The following SLC35E2B variants were observed in gnomAD, a reference collection of about 807,000 sequenced individuals.
SLC35E2B encodes the protein solute carrier family 35 member E2B.
In SLC35E2B, 18 loss-of-function variants were observed where a neutral mutation model predicts 32.4. That is an observed-to-expected ratio of 0.56 (90% CI 0.38 to 0.82). The LOEUF is 0.82. Among genes scored for constraint, SLC35E2B ranks in the 40% least tolerant of loss-of-function variants. The probability of loss-of-function intolerance (pLI) is 0.00; values close to 1 mark genes in which losing one functional copy is unlikely to be tolerated. For missense variants in SLC35E2B, 263 were observed against 469.5 expected, an observed-to-expected ratio of 0.56 and a Z score of 4.06; for synonymous variants, 132 against 209.1, an observed-to-expected ratio of 0.63 and a Z score of 3.18.
rs1488551079 is a variant in SLC35E2B, at chr1:1,665,629, T to C, written c.*153A>G. ...TGGAATCCCCAGTTTGAGTTTCTGC[T>C]GGTCTTCACCGACAAACCGAGAAAG... On this transcript the variant is annotated 3_prime_UTR_variant, in exon 10 of 10. Coordinates refer to ENST00000617444, the MANE Select transcript of SLC35E2B (RefSeq NM_001290264.2). 9 of 1,227,992 alleles carry C rather than the reference T, an allele frequency of 7.3e-6. No homozygotes were observed. In the East Asian group the frequency reaches 2.3e-4, roughly 32 times the overall value. The allele number at this position is 1,227,992 out of a possible 1,614,324, so 76.1% of individuals were successfully genotyped here.
Position 1,675,545 on chromosome 1 carries a change from C to T in SLC35E2B, c.504G>A (p.Ala168=), listed in dbSNP as rs779285777. ...VLGLVSLKNV[A]VSFAETVKSS... ...TCTTCACCGTCTCAGCAAACGAAAC[C>T]GCCACATTTTTCAGGCTGACCAAAC... Residue 168 remains alanine (A), a synonymous_variant, in exon 5 of 10, where the codon GCG becomes GCA. Coordinates refer to ENST00000617444, the MANE Select transcript of SLC35E2B (RefSeq NM_001290264.2). 26 of 1,581,434 alleles carry T rather than the reference C, an allele frequency of 1.6e-5. 1 individual carries two copies. Among genetic ancestry groups the T allele is most frequent in the East Asian group, 1.6e-4 (7 of 44,034 alleles).
intron 2 of SLC35E2B, among the ~76,000 whole-genome samples, chr1:1,687,908 A>C (rs1643971038): frequency 6.6e-6 from 1 of 152,200 alleles, no homozygotes; most frequent in South Asian, 2.1e-4. Context: ...CAACATAACA[A>C]AACAAAAAAT....
chr1:1,689,970 G>C (rs1282422596), intron 2 of SLC35E2B, among the ~76,000 whole-genome samples: 2 of 144,170 alleles, frequency 1.4e-5, no homozygotes, highest in Non-Finnish European at 3.1e-5. Context: ...CTGGGCAACA[G>C]GGTGAGACCC....
rs372584584 is a variant in SLC35E2B at position 1,686,438 on chromosome 1, C to T, written c.-148+4538G>A. Among the ~76,000 whole-genome samples the T allele has an allele frequency of 6.7e-5, 10 of 148,890 alleles. No individual in the cohort carries two copies. In the East Asian group the frequency reaches 1.4e-3, roughly 21 times the overall value. On this transcript the variant is annotated intron_variant, in intron 2 of 9. Transcript: ENST00000617444. ...TCATGTGAGTGAAGCGAGATGCAAA[C>T]ACGAAAGGAAGTCCTTCAGGGCAGT...
At chr1:1,669,344 G>A (rs1224338115) in intron 8 of SLC35E2B, among the ~76,000 whole-genome samples, 1 of 151,460 alleles carries the variant, frequency 6.6e-6, no homozygotes, top group African/African-American at 2.4e-5. Context: ...GGGATACAGA[G>A]CGAGACTCTT....
intron 2 of SLC35E2B, among the ~76,000 whole-genome samples, chr1:1,686,004 G>T (rs112033089): frequency 0.1 from 13,863 of 135,606 alleles, 2,069 homozygotes; most frequent in African/African-American, 0.32. Context: ...GTGAATTTTT[G>T]TATTTTCATT....
rs1643649389 is a variant in SLC35E2B at position 1,670,147 on chromosome 1, G to T, written c.712C>A (p.Gln238Lys). 2 of 1,550,422 alleles carry T rather than the reference G, an allele frequency of 1.3e-6. No individual in the cohort carries two copies. Among genetic ancestry groups the T allele is most frequent in the East Asian group, 4.9e-5 (2 of 40,902 alleles). ...AGCAGCTTTTTTGAAAAAACATTTT[G>T]CAAACTAGAATAAAGAAAAGAGGTT... is the stretch of plus-strand genomic sequence containing the variant. Reference protein sequence around the residue: ...ALSTNIMDCLQNVFSKKLLSG... With the variant: ...ALSTNIMDCLKNVFSKKLLSG... Residue 238 changes from glutamine to lysine, a missense_variant, in exon 7 of 10, where the codon CAA (glutamine) becomes AAA (lysine). Transcript: ENST00000617444.
chr1:1,678,857 C>T (rs930069078), intron 2 of SLC35E2B, among the ~76,000 whole-genome samples: 1 of 152,188 alleles, frequency 6.6e-6, no homozygotes, highest in Non-Finnish European at 1.5e-5. Flanking sequence ...AGACTTTGTG[C>T]CAGTTTCCCG....
intron 7 of SLC35E2B, 65 bp downstream of exon 7, chr1:1,670,033 T>C (rs372106488): frequency 2.3e-5 from 33 of 1,404,432 alleles, no homozygotes; most frequent in African/African-American, 2.1e-4. Context: ...GTTCTGACTC[T>C]TACAGTGAGC....
rs1281062455 is a variant in SLC35E2B at position 1,683,823 on chromosome 1, C to T, written c.-147-6977G>A. Among the ~76,000 whole-genome samples, 5 of 152,220 alleles carry T rather than the reference C, an allele frequency of 3.3e-5. No homozygotes were observed. In the East Asian group the frequency reaches 7.7e-4, roughly 24 times the overall value. On this transcript the variant is annotated intron_variant, in intron 2 of 9. Transcript: ENST00000617444. ...TGTCACTCAGGAAATTCCAAGGCTT[C>T]GAGGAGCTTCTGTGCCAGGAACCAG...
Position 1,666,018 on chromosome 1 carries a change from C to A in SLC35E2B, c.982G>T (p.Val328Phe). ...MGKISPVTFSVASTVKHALSI... is the reference protein window; with the variant it reads ...MGKISPVTFSFASTVKHALSI... ...AAGGCATGTTTCACGGTGCTGGCGA[C>A]GCTGCGGAGGCAAGGGGAGGCAGCA... The change falls in exon 10 of 10, where the codon GTC (valine) becomes TTC (phenylalanine). Residue 328 changes from valine to phenylalanine, a missense_variant and splice_region_variant. Physicochemically the swap from Val to Phe is conservative, Grantham distance 50. Coordinates refer to ENST00000617444, the MANE Select transcript of SLC35E2B (RefSeq NM_001290264.2). 1.3e-6 allele frequency: 2 copies of A among 1,549,994 alleles called. No homozygotes were observed. The highest frequency in any genetic ancestry group is 1.2e-5 in the South Asian group (1 of 83,998).
rs1014174509 is a variant in SLC35E2B, at chr1:1,680,825, T to C, written c.-147-3979A>G. ...TTATTCTTTTTTTTTTTTTTTTAGA[T>C]GGAATCTCGATCTGTCGCCCAGGCT... On this transcript the variant is annotated intron_variant, in intron 2 of 9. Transcript: ENST00000617444. Among the ~76,000 whole-genome samples, 6 of 150,558 alleles carry C rather than the reference T, an allele frequency of 4.0e-5. 1 individual carries two copies.
intron 2 of SLC35E2B, among the ~76,000 whole-genome samples, chr1:1,679,367 G>A (rs140289861): frequency 1.1e-4 from 17 of 152,126 alleles, no homozygotes; most frequent in East Asian, 3.9e-4. Flanking sequence ...ACTGCTCCCC[G>A]CAATGAGGAC....
At chr1:1,668,619 C>T (rs1643604247) in intron 8 of SLC35E2B, 147 bp from the exon 9 acceptor site, 9 of 1,475,196 alleles carry the variant, frequency 6.1e-6, no homozygotes, top group Non-Finnish European at 8.3e-6. Context: ...GAGCGGACAG[C>T]TGGACTGTGC....
intron 5 of SLC35E2B, chr1:1,673,459 G>GGAGCTCAA: frequency 3.6e-6 from 1 of 278,766 alleles, no homozygotes. Context: ...CACGAGGTCA[G>GGAGCTCAA]GAGCTCAAGA....
At chr1:1,677,552 A>T (rs1330583996) in intron 2 of SLC35E2B, among the ~76,000 whole-genome samples, 1 of 145,990 alleles carries the variant, frequency 6.8e-6, no homozygotes, top group Non-Finnish European at 1.5e-5. Context: ...ATCTGGGCTC[A>T]CTGCAAGCTC....
rs190642599 is a variant in SLC35E2B at position 1,671,132 on chromosome 1, C to T, written c.707+377G>A. On this transcript the variant is annotated intron_variant, in intron 6 of 9. Coordinates refer to ENST00000617444, the MANE Select transcript of SLC35E2B (RefSeq NM_001290264.2). ...GCCACAAGGAAGCAGAGGATCCGCC[C>T]GACCTGGAGGCCGCGCAGCTCCCAA... 3.8e-3 allele frequency: 603 copies of T among 157,436 alleles called. 22 individuals carry two copies. The highest frequency in any genetic ancestry group is 0.035 in the Admixed American group (538 of 15,416). 9.8% of individuals were successfully genotyped at this position (157,436 alleles called of 1,614,324 possible).
At chr1:1,675,064 C>T (rs929562575) in intron 5 of SLC35E2B, among the ~76,000 whole-genome samples, 1 of 151,714 alleles carries the variant, frequency 6.6e-6, no homozygotes, top group Admixed American at 6.6e-5. Flanking sequence ...CTGTGGGGTG[C>T]TGGCACAGGA....
intron 2 of SLC35E2B, among the ~76,000 whole-genome samples, chr1:1,678,720 C>T (rs1643874915): frequency 6.6e-6 from 1 of 152,172 alleles, no homozygotes; most frequent in African/African-American, 2.4e-5. Flanking sequence ...ACACCATTCC[C>T]TTCTTCCTGT....
Sources: gnomAD v4.1 joint callset for allele counts (sites outside exome capture counted in the v4.1 genomes callset) on GRCh38, gnomAD v4.1.1 for gene constraint, MANE v1.5 for transcripts, NCBI Gene and HGNC (gene_info 2026-07-23, HGNC 2026-07-21) for gene names.